Variants in STAU2 observed in about 807,000 individuals in gnomAD.
The protein encoded by STAU2 is staufen double-stranded RNA binding protein 2, also known as double-stranded RNA-binding protein Staufen homolog 2.
Under a neutral mutation model 65.9 loss-of-function variants are expected in STAU2, and 20 were observed. The observed-to-expected ratio is 0.30, with a 90% CI of 0.21 to 0.44. STAU2 has a LOEUF of 0.44. Ranked by LOEUF, STAU2 falls within the 20% of genes least tolerant of loss-of-function variation. The probability of loss-of-function intolerance (pLI) is 1.00; values close to 1 mark genes in which losing one functional copy is unlikely to be tolerated. For synonymous variants in STAU2, 232 were observed against 233.9 expected, an observed-to-expected ratio of 0.99 and a Z score of 0.07; for missense variants, 558 against 683.9, an observed-to-expected ratio of 0.82 and a Z score of 2.05.
intron 13 of STAU2, among the ~76,000 whole-genome samples, chr8:73,515,771 C>CTTTTTTTTTTTTTTTTTTT (rs1563396706): frequency 1.0e-5 from 1 of 95,378 alleles, no homozygotes; most frequent in Non-Finnish European, 2.1e-5. Flanking sequence ...GAAAAAATTT[C>CTTTTTTTTTTTTTTTTTTT]TCTTTTTTTT....
rs771166891 is a variant in STAU2, at chr8:73,598,775, A to G, written c.1030-3478T>C. Among the ~76,000 whole-genome samples, 31 of 152,152 alleles carry G rather than the reference A, an allele frequency of 2.0e-4. 1 individual carries two copies. Among genetic ancestry groups the G allele is most frequent in the Admixed American group, 6.5e-5 (1 of 15,282 alleles). ...TGATTTCATATATAAGGAATCTAAGAAACTCCACAGATGAATTATAAGAAT... is the reference window on the plus strand; with the variant it reads ...TGATTTCATATATAAGGAATCTAAGGAACTCCACAGATGAATTATAAGAAT... On this transcript the variant is annotated intron_variant, in intron 10 of 14. Coordinates refer to ENST00000524300, the MANE Select transcript of STAU2 (RefSeq NM_001164380.2).
At chr8:73,736,146 G>C (rs1806413565) in intron 3 of STAU2, among the ~76,000 whole-genome samples, 1 of 152,182 alleles carries the variant, frequency 6.6e-6, no homozygotes, top group East Asian at 1.9e-4. Flanking sequence ...TTCTAGTACA[G>C]GAGAAAACTA....
At chr8:73,469,306 G>A (rs533235906) in intron 13 of STAU2, among the ~76,000 whole-genome samples, 2 of 152,166 alleles carry the variant, frequency 1.3e-5, no homozygotes, top group Admixed American at 6.5e-5. Flanking sequence ...GGCCTGTTGT[G>A]GGGTTGGGGG....
intron 9 of STAU2, among the ~76,000 whole-genome samples, chr8:73,609,885 GTC>G (rs1305999446): frequency 6.6e-6 from 1 of 152,168 alleles, no homozygotes; most frequent in Non-Finnish European, 1.5e-5. Flanking sequence ...CTCAAAGAAT[GTC>G]TCTGAGTTCC....
intron 13 of STAU2, among the ~76,000 whole-genome samples, chr8:73,517,544 T>C (rs996588899): frequency 3.3e-5 from 5 of 152,240 alleles, no homozygotes; most frequent in Non-Finnish European, 5.9e-5. Flanking sequence ...ATACTTTGTC[T>C]CCTATGAAAT....
At chr8:73,747,219 C>T, upstream of STAU2, 1 of 751,332 alleles carries the variant, frequency 1.3e-6, no homozygotes, top group Non-Finnish European at 2.0e-6. Flanking sequence ...AGGAGCGCGC[C>T]CGGTCCGCAG....
chr8:73,505,537 G>A (rs1461600752), intron 13 of STAU2, among the ~76,000 whole-genome samples: 2 of 151,992 alleles, frequency 1.3e-5, no homozygotes, highest in Non-Finnish European at 2.9e-5. Flanking sequence ...AAAATGCATG[G>A]TGACATGTTT....
At chr8:73,663,212 A>C (rs1455546076) in intron 6 of STAU2, among the ~76,000 whole-genome samples, 1 of 152,186 alleles carries the variant, frequency 6.6e-6, no homozygotes, top group Non-Finnish European at 1.5e-5. Flanking sequence ...CACATAAGCA[A>C]GTGACTGTGG....
chr8:73,644,241 A>G (rs1426030107), intron 6 of STAU2, among the ~76,000 whole-genome samples: 2 of 152,206 alleles, frequency 1.3e-5, no homozygotes, highest in Non-Finnish European at 2.9e-5. Flanking sequence ...AAAATACAAT[A>G]TATCAAAATT....
chr8:73,598,166 A>G (rs570931853), intron 10 of STAU2, among the ~76,000 whole-genome samples: 2 of 152,350 alleles, frequency 1.3e-5, no homozygotes, highest in African/African-American at 4.8e-5. Context: ...TTGAAATTCA[A>G]ACTAGAAATC....
intron 13 of STAU2, among the ~76,000 whole-genome samples, chr8:73,543,359 T>G (rs1806676480): frequency 6.6e-6 from 1 of 152,188 alleles, no homozygotes; most frequent in Non-Finnish European, 1.5e-5. Context: ...CTATATACAT[T>G]TTTCAAAACT....
intron 12 of STAU2, among the ~76,000 whole-genome samples, chr8:73,560,078 T>A (rs1203238644): frequency 7.4e-6 from 1 of 134,878 alleles, no homozygotes; most frequent in Admixed American, 7.3e-5. Context: ...TGAACAGATT[T>A]TTTTTTTTTT....
At chr8:73,624,453 C>T (rs766871842) in intron 6 of STAU2, among the ~76,000 whole-genome samples, 12 of 152,190 alleles carry the variant, frequency 7.9e-5, no homozygotes, top group Middle Eastern at 3.2e-3. Flanking sequence ...ATTATCACAT[C>T]ACCATTATCA....
chr8:73,741,081 G>A (rs1296574388), intron 1 of STAU2, among the ~76,000 whole-genome samples: 7 of 149,798 alleles, frequency 4.7e-5, no homozygotes, highest in African/African-American at 1.2e-4. Context: ...AGAGGCGGGC[G>A]GATCATGAGG....
intron 11 of STAU2, among the ~76,000 whole-genome samples, chr8:73,583,384 G>A (rs1243956325): frequency 6.6e-6 from 1 of 152,028 alleles, no homozygotes; most frequent in Admixed American, 6.6e-5. Flanking sequence ...GACCTCAAAT[G>A]ATCCACCCAC....
chr8:73,469,320 G>T (rs1403327454), intron 13 of STAU2, among the ~76,000 whole-genome samples: 5 of 152,030 alleles, frequency 3.3e-5, no homozygotes, highest in Non-Finnish European at 7.4e-5. Flanking sequence ...TTGGGGGAGT[G>T]GGGAGGGATA....
At chr8:73,517,386 C>G (rs1294395253) in intron 13 of STAU2, among the ~76,000 whole-genome samples, 1 of 152,132 alleles carries the variant, frequency 6.6e-6, no homozygotes, top group Admixed American at 6.5e-5. Context: ...GATTGTGCCA[C>G]TGCACTCCAC....
intron 6 of STAU2, among the ~76,000 whole-genome samples, chr8:73,639,295 C>T (rs1009270497): frequency 6.6e-6 from 1 of 152,006 alleles, no homozygotes; most frequent in Non-Finnish European, 1.5e-5. Flanking sequence ...AAAAAGAATA[C>T]AATTTGTGAA....
intron 12 of STAU2, among the ~76,000 whole-genome samples, chr8:73,574,147 A>G (rs559306796): frequency 1.3e-5 from 2 of 152,368 alleles, no homozygotes; most frequent in Admixed American, 6.5e-5. Flanking sequence ...CAAAAGACAC[A>G]TGAAAAAATG....
Sources: allele counts gnomAD v4.1 joint callset (sites outside exome capture counted in the v4.1 genomes callset), GRCh38; gene constraint gnomAD v4.1.1; transcripts MANE v1.5; gene names NCBI Gene and HGNC (gene_info 2026-07-23, HGNC 2026-07-21).